The following HIRA variants were observed in gnomAD, a reference collection of about 807,000 sequenced individuals.
HIRA encodes protein HIRA.
Under a neutral mutation model 126.6 loss-of-function variants are expected in HIRA, and 13 were observed. The observed-to-expected ratio is 0.10, with a 90% CI of 0.07 to 0.16. The LOEUF (loss-of-function observed/expected upper bound fraction) is 0.16. HIRA is among the 10% of genes least tolerant of loss of function. The pLI, the probability that HIRA is intolerant of heterozygous loss-of-function variation, is 1.00. For synonymous variants in HIRA, 511 were observed against 520.0 expected (o/e 0.98, Z 0.24); for missense variants, 834 against 1,314.4 (o/e 0.63, Z 5.65).
At chr22:19,387,952 GTTCCCTTCTTT>G in intron 10 of HIRA, 136 bp from the exon 11 acceptor site, 2 of 162,888 alleles carry the variant, frequency 1.2e-5, no homozygotes, top group Non-Finnish European at 2.3e-5. Flanking sequence ...CTGTGGCCTG[GTTCCCTTCTTT>G]GGCCTGGGCG....
chr22:19,372,418 G>A lies in HIRA; in HGVS notation c.1775+3213C>T, dbSNP rs138117262. 7.9e-5 allele frequency among the ~76,000 whole-genome samples: 12 copies of A among 152,132 alleles called. No homozygotes were observed. The East Asian group carries it at 2.1e-3, about 27-fold the overall frequency. On this transcript the variant is annotated intron_variant, in intron 15 of 24. Transcript: ENST00000263208. ...CTTCAGATCTTTTGCTCATTTTTAA[G>A]CTGTGTTATTCGTCTTTTTATTGTT...
At chr22:19,422,923 C>T (rs1023745951) in intron 1 of HIRA, among the ~76,000 whole-genome samples, 2 of 152,110 alleles carry the variant, frequency 1.3e-5, no homozygotes, top group Non-Finnish European at 2.9e-5. Flanking sequence ...GAGTAAAGGG[C>T]CCTGGTCTCC....
At chr22:19,397,066 C>T (rs11914109) in intron 6 of HIRA, 119 bp from the exon 7 acceptor site, 3 of 844,682 alleles carry the variant, frequency 3.6e-6, no homozygotes, top group African/African-American at 3.4e-5. Flanking sequence ...GGCCAGCCCC[C>T]ACACCAGACA....
chr22:19,331,083 T>C lies in HIRA; in HGVS notation c.*357A>G. ...CTCTCACAAATGGCTCAATCGTCAC[T>C]GCTGAAGCAGCATGGTGCCTGCAGC... On this transcript the variant is annotated 3_prime_UTR_variant, in exon 25 of 25. Coordinates refer to ENST00000263208, the MANE Select transcript of HIRA (RefSeq NM_003325.4). The C allele has an allele frequency of 8.5e-7, 1 of 1,177,958 alleles. No individual in the cohort carries two copies. Among genetic ancestry groups the C allele is most frequent in the Non-Finnish European group, 1.1e-6 (1 of 919,606 alleles). 73.0% of individuals were successfully genotyped at this position (1,177,958 alleles called of 1,614,324 possible). A position where few individuals can be genotyped will look rare whatever the true frequency, so the allele number is the denominator to read the frequency against.
intron 1 of HIRA, among the ~76,000 whole-genome samples, chr22:19,412,687 C>T (rs191686140): frequency 8.4e-4 from 128 of 152,270 alleles, no homozygotes; most frequent in Non-Finnish European, 1.4e-3. Flanking sequence ...TCACAGTTCC[C>T]CTGACTACCC....
chr22:19,408,734 A>T, intron 2 of HIRA, 141 bp from the exon 3 acceptor site: 1 of 572,104 alleles, frequency 1.7e-6, no homozygotes. Context: ...ACTGAATTTA[A>T]ATTACTAATT....
Position 19,431,493 on chromosome 22 carries a change from C to CCGCCGGGCTGAGGCGAG in HIRA, c.-34_-18dup. 1 of 1,594,596 alleles carries CCGCCGGGCTGAGGCGAG rather than the reference C, an allele frequency of 6.3e-7. No homozygotes were observed. The highest frequency in any genetic ancestry group is 8.5e-7 in the Non-Finnish European group (1 of 1,171,504). On this transcript the variant is annotated 5_prime_UTR_variant, in exon 1 of 25. Coordinates refer to ENST00000263208, the MANE Select transcript of HIRA (RefSeq NM_003325.4). ...GAGCTTCATTGTTCGGCCGCCGCCG[C>CCGCCGGGCTGAGGCGAG]CGCCGGGCTGAGGCGAGCGCCGGGT...
chr22:19,415,481 G>C (rs923967959), intron 1 of HIRA, among the ~76,000 whole-genome samples: 3 of 152,148 alleles, frequency 2.0e-5, no homozygotes, highest in African/African-American at 7.2e-5. Context: ...TCATGGACTA[G>C]AAGATTTAAT....
intron 24 of HIRA, among the ~76,000 whole-genome samples, chr22:19,345,361 T>A (rs185477294): frequency 6.6e-6 from 1 of 152,206 alleles, no homozygotes; most frequent in Non-Finnish European, 1.5e-5. Context: ...CAAGTATTAT[T>A]GATATTTCCT....
At chr22:19,410,401 G>C (rs2089343079) in intron 2 of HIRA, among the ~76,000 whole-genome samples, 1 of 152,142 alleles carries the variant, frequency 6.6e-6, no homozygotes, top group Admixed American at 6.5e-5. Flanking sequence ...TCTGGGGCTG[G>C]GCTTTGCCCA....
chr22:19,413,408 T>C (rs926742398), intron 1 of HIRA, among the ~76,000 whole-genome samples: 1 of 151,978 alleles, frequency 6.6e-6, no homozygotes, highest in African/African-American at 2.4e-5. Flanking sequence ...TTATTTTTAT[T>C]ATTTTGAGAA....
chr22:19,387,644 G>T (rs946502713), intron 11 of HIRA, 67 bp downstream of exon 11: 5 of 1,141,084 alleles, frequency 4.4e-6, no homozygotes, highest in Non-Finnish European at 6.6e-6. Context: ...TGTAGTCAAA[G>T]GGGTCTCTCA....
intron 5 of HIRA, among the ~76,000 whole-genome samples, chr22:19,401,826 A>G (rs1271425024): frequency 6.6e-6 from 1 of 152,152 alleles, no homozygotes; most frequent in South Asian, 2.1e-4. Flanking sequence ...TTCCCAGTGC[A>G]GCCCTGAGAC....
chr22:19,341,753 G>A (rs1438225250), intron 24 of HIRA, among the ~76,000 whole-genome samples: 3 of 152,210 alleles, frequency 2.0e-5, no homozygotes, highest in Non-Finnish European at 4.4e-5. Flanking sequence ...GCCACATATA[G>A]AAGAATGAAG....
At chr22:19,394,972 C>T (rs2089211152) in intron 7 of HIRA, among the ~76,000 whole-genome samples, 1 of 152,228 alleles carries the variant, frequency 6.6e-6, no homozygotes, top group African/African-American at 2.4e-5. Flanking sequence ...TGTAATGTAG[C>T]TGATGACTGT....
At chr22:19,406,040 T>TCA (rs2089305531) in intron 4 of HIRA, among the ~76,000 whole-genome samples, 160 bp from the exon 5 acceptor site, 1 of 152,204 alleles carries the variant, frequency 6.6e-6, no homozygotes, top group African/African-American at 2.4e-5. Flanking sequence ...GTTAGGTGAA[T>TCA]TATGATCCAT....
chr22:19,373,200 T>C (rs552124860), intron 15 of HIRA, among the ~76,000 whole-genome samples: 18 of 152,360 alleles, frequency 1.2e-4, no homozygotes, highest in African/African-American at 3.6e-4. Flanking sequence ...TTTTTGTTTA[T>C]AGAATACAGT....
intron 1 of HIRA, among the ~76,000 whole-genome samples, chr22:19,423,770 C>T (rs1408120796): frequency 6.6e-6 from 1 of 152,176 alleles, no homozygotes; most frequent in East Asian, 1.9e-4. Flanking sequence ...TTAGGAGCAA[C>T]AAATGTTAAT....
intron 5 of HIRA, among the ~76,000 whole-genome samples, chr22:19,400,734 A>G (rs1460409841): frequency 6.6e-6 from 1 of 151,702 alleles, no homozygotes; most frequent in African/African-American, 2.4e-5. Flanking sequence ...ATTCTTGGTG[A>G]CTCCAAGAGG....
Sources: allele counts gnomAD v4.1 joint callset (sites outside exome capture counted in the v4.1 genomes callset), GRCh38; gene constraint gnomAD v4.1.1; transcripts MANE v1.5; gene names NCBI Gene and HGNC (gene_info 2026-07-23, HGNC 2026-07-21).